CSMD1: variants seen among roughly 807,000 people sequenced by gnomAD.
CSMD1 encodes the protein CUB and Sushi multiple domains 1.
A neutral mutation model predicts 417.5 loss-of-function variants in CSMD1; 213 were observed. That is an observed-to-expected ratio of 0.51 (90% CI 0.46 to 0.57). The LOEUF is 0.57. Ranked by LOEUF, CSMD1 falls within the 20% of genes least tolerant of loss-of-function variation. The probability of loss-of-function intolerance (pLI) is 0.00; values close to 1 mark genes in which losing one functional copy is unlikely to be tolerated. For synonymous variants in CSMD1, 2,862 were observed against 1,736.8 expected, an observed-to-expected ratio of 1.65 and a Z score of -16.11; for missense variants, 6,923 against 4,529.7, an observed-to-expected ratio of 1.53 and a Z score of -15.17.
intron 8 of CSMD1, among the ~76,000 whole-genome samples, chr8:3,596,750 A>C (rs1384160302): frequency 6.6e-6 from 1 of 152,096 alleles, no homozygotes; most frequent in Non-Finnish European, 1.5e-5. Context: ...AGAGAAGAAA[A>C]CACTGCTATA....
chr8:3,339,545 G>C (rs540879715), intron 23 of CSMD1, among the ~76,000 whole-genome samples: 1 of 152,220 alleles, frequency 6.6e-6, no homozygotes, highest in South Asian at 2.1e-4. Flanking sequence ...TGCCAGTTCC[G>C]TAATTTGAAA....
At chr8:4,614,142 C>T (rs918848786) in intron 2 of CSMD1, among the ~76,000 whole-genome samples, 1 of 151,910 alleles carries the variant, frequency 6.6e-6, no homozygotes, top group East Asian at 1.9e-4. Context: ...CTTTTAAGTT[C>T]TGATAATAAT....
chr8:4,470,819 G>A (rs1297094775), intron 2 of CSMD1, among the ~76,000 whole-genome samples: 1 of 152,150 alleles, frequency 6.6e-6, no homozygotes, highest in Non-Finnish European at 1.5e-5. Context: ...CAGGTTATCT[G>A]AATCGATGTT....
At chr8:4,116,737 C>A (rs7829554) in intron 3 of CSMD1, among the ~76,000 whole-genome samples, 139,102 of 139,146 alleles carry the variant, frequency 1, 69,529 homozygotes, top group Non-Finnish European at 1. Flanking sequence ...CTAAAAGGGG[C>A]GGCTACGTGG....
At position 4,770,442 on chromosome 8, in the gene CSMD1, T is replaced by C. The variant is rs1452047998; in HGVS notation, c.86-132884A>G. 4.0e-5 allele frequency among the ~76,000 whole-genome samples: 6 copies of C among 150,848 alleles called. No individual in the cohort carries two copies. The East Asian group carries it at 1.2e-3, about 29-fold the overall frequency. ...TCTTATCAAAATCCCAATAGCATTC[T>C]TCACAGAATTTTTTTTTTAATTTCT... On this transcript the variant is annotated intron_variant, in intron 1 of 69. Transcript: ENST00000635120.
intron 3 of CSMD1, among the ~76,000 whole-genome samples, chr8:4,124,312 A>G (rs1261363319): frequency 1.3e-5 from 2 of 152,188 alleles, no homozygotes; most frequent in East Asian, 3.9e-4. Context: ...ATTCCACAGG[A>G]TCCTCTATCA....
At chr8:4,015,676 A>AC (rs1554516943) in intron 4 of CSMD1, among the ~76,000 whole-genome samples, 2 of 151,162 alleles carry the variant, frequency 1.3e-5, no homozygotes. Flanking sequence ...AAAAAAAAAA[A>AC]AAAAAAACTC....
chr8:4,704,283 T>G (rs1431602660), intron 1 of CSMD1, among the ~76,000 whole-genome samples: 3 of 152,176 alleles, frequency 2.0e-5, no homozygotes, highest in Non-Finnish European at 2.9e-5. Context: ...AACAGAGACT[T>G]TTACTTATTT....
chr8:3,685,527 G>C (rs1799902368), intron 7 of CSMD1, among the ~76,000 whole-genome samples: 1 of 152,098 alleles, frequency 6.6e-6, no homozygotes, highest in African/African-American at 2.4e-5. Context: ...AAAATTAGGG[G>C]TTTATATAAC....
rs75804553 is a variant in CSMD1, at chr8:4,189,259, T to G, written c.416-157160A>C. Reference sequence around the variant, plus strand: ...AGATCTAAGCCCACCTTTGCCCATCTGTAGAGAAACACTTCCTATCTCTTT... The same window carrying G: ...AGATCTAAGCCCACCTTTGCCCATCGGTAGAGAAACACTTCCTATCTCTTT... On this transcript the variant is annotated intron_variant, in intron 3 of 69. Transcript: ENST00000635120. Among the ~76,000 whole-genome samples, 865 of 152,316 alleles carry G rather than the reference T, an allele frequency of 5.7e-3. 39 individuals carry two copies. The East Asian group carries it at 0.1, about 18-fold the overall frequency.
chr8:4,232,609 G>A (rs907550668), intron 3 of CSMD1, among the ~76,000 whole-genome samples: 2 of 152,132 alleles, frequency 1.3e-5, no homozygotes, highest in African/African-American at 2.4e-5. Flanking sequence ...ACAGTGTCAT[G>A]TCTTGCTGCA....
intron 3 of CSMD1, among the ~76,000 whole-genome samples, chr8:4,163,837 A>C (rs1484496247): frequency 1.3e-5 from 2 of 152,178 alleles, no homozygotes; most frequent in Non-Finnish European, 2.9e-5. Flanking sequence ...TTCATCATTA[A>C]TTCAAAAATT....
At chr8:3,782,860 G>A (rs1003309980) in intron 5 of CSMD1, among the ~76,000 whole-genome samples, 1 of 152,090 alleles carries the variant, frequency 6.6e-6, no homozygotes, top group African/African-American at 2.4e-5. Flanking sequence ...GCCCTAGCTC[G>A]CCTGGGAATA....
At chr8:4,982,871 A>G (rs909832685) in intron 1 of CSMD1, among the ~76,000 whole-genome samples, 63 of 152,168 alleles carry the variant, frequency 4.1e-4, no homozygotes, top group African/African-American at 1.5e-3. Flanking sequence ...AGAATGCAGG[A>G]AAGGTAATTT....
intron 2 of CSMD1, among the ~76,000 whole-genome samples, chr8:4,485,097 G>C (rs1274487815): frequency 9.3e-5 from 14 of 151,122 alleles, no homozygotes; most frequent in African/African-American, 3.2e-4. Context: ...GATGCTGAGA[G>C]AGGGTCTGTA....
chr8:4,214,726 G>C (rs1800530613), intron 3 of CSMD1, among the ~76,000 whole-genome samples: 1 of 152,102 alleles, frequency 6.6e-6, no homozygotes, highest in Non-Finnish European at 1.5e-5. Context: ...GTTCATCACA[G>C]AGAACTACAT....
At chr8:3,439,321 A>T (rs865874939) in intron 12 of CSMD1, among the ~76,000 whole-genome samples, 885 of 74,418 alleles carry the variant, frequency 0.012, 17 homozygotes, top group Middle Eastern at 0.04. Context: ...TTTTTTTTTT[A>T]ATATGTATTT....
Position 3,243,774 on chromosome 8 carries a change from T to G in CSMD1, c.4154-13543A>C, listed in dbSNP as rs556116229. ...TATGTATTTATATAAACAATATCAT[T>G]TATATATAATATTGTCATTTATATA... On this transcript the variant is annotated intron_variant, in intron 26 of 69. Transcript: ENST00000635120. Among the ~76,000 whole-genome samples the G allele has an allele frequency of 2.7e-5, 4 of 150,576 alleles. No homozygotes were observed. The South Asian group carries it at 6.3e-4, about 24-fold the overall frequency.
At chr8:4,448,763 A>G (rs531501581) in intron 2 of CSMD1, among the ~76,000 whole-genome samples, 1 of 152,330 alleles carries the variant, frequency 6.6e-6, no homozygotes, top group South Asian at 2.1e-4. Context: ...AATGACAACC[A>G]TATTTAAGGC....
Sources: allele counts gnomAD v4.1 joint callset (sites outside exome capture counted in the v4.1 genomes callset), GRCh38; gene constraint gnomAD v4.1.1; transcripts MANE v1.5; gene names NCBI Gene and HGNC (gene_info 2026-07-23, HGNC 2026-07-21).